Variants in MYH9 observed in about 807,000 individuals in gnomAD.
The protein encoded by MYH9 is myosin heavy chain 9.
MYH9 carries 29 observed loss-of-function variants against 241.9 expected under a neutral mutation model. The ratio of observed to expected loss-of-function variants is 0.12; its 90% confidence interval spans 0.09 to 0.16. The LOEUF (loss-of-function observed/expected upper bound fraction) is 0.16, where lower values mean the gene tolerates loss of function less well. MYH9 is among the 10% of genes least tolerant of loss of function. The pLI is 1.00. For missense variants in MYH9, 1,803 were observed against 2,595.5 expected, an observed-to-expected ratio of 0.69 and a Z score of 6.63; for synonymous variants, 1,047 against 1,062.6, an observed-to-expected ratio of 0.99 and a Z score of 0.29.
At position 36,289,243 on chromosome 22, in the gene MYH9, C is replaced by T. The variant is rs970919478; in HGVS notation, c.4399G>A (p.Ala1467Thr). The T allele has an allele frequency of 5.0e-6, 8 of 1,612,790 alleles. No homozygotes were observed. Among genetic ancestry groups the T allele is most frequent in the Non-Finnish European group, 6.8e-6 (8 of 1,180,006 alleles). ...SAKYAEERDR[A>T]EAEAREKETK... ...TCCTTCTCTCGGGCCTCCGCCTCAG[C>T]CCGGTCGCGCTCCTCTGCATACTTG... The change falls in exon 32 of 41, where the codon GCT (alanine) becomes ACT (threonine). Residue 1467 changes from alanine (A) to threonine (T), a missense_variant. Around this residue, in one of 11 missense-constraint regions of MYH9, gnomAD observed 876 missense variants for 1,077.8 expected, o/e 0.81. Coordinates refer to ENST00000216181, the MANE Select transcript of MYH9 (RefSeq NM_002473.6).
Position 36,295,228 on chromosome 22 carries a change from T to G in MYH9, c.3486-152A>C. 9.3e-7 allele frequency: 1 copy of G among 1,072,808 alleles called. No individual in the cohort carries two copies. Among genetic ancestry groups the G allele is most frequent in the South Asian group, 1.3e-5 (1 of 75,694 alleles). The allele number at this position is 1,072,808 out of a possible 1,614,324, so 66.5% of individuals were successfully genotyped here. On this transcript the variant is annotated intron_variant, in intron 26 of 40. Transcript: ENST00000216181. This position sits in a 1 kb window ranked among gnomAD's most constrained non-coding sequence, Gnocchi z 4.1. ...CGGCCCCTCCTAGCCATCTATCCCA[T>G]AGCCCAGGCTCAAATACGCCCTGTG...
At position 36,301,077 on chromosome 22, in the gene MYH9, A is replaced by G; in HGVS notation, c.2632-20T>C. On this transcript the variant is annotated intron_variant, in intron 21 of 40. Transcript: ENST00000216181. ...CATGAGCTGCAAACAACAAGTGGAA[A>G]ACACAAGCTCCTCGCAACACCCTCA... 1 of 1,605,196 alleles carries G rather than the reference A, an allele frequency of 6.2e-7. No individual in the cohort carries two copies. Among genetic ancestry groups the G allele is most frequent in the Non-Finnish European group, 8.5e-7 (1 of 1,179,110 alleles).
chr22:36,322,598 C>T lies in MYH9; in HGVS notation c.613-77G>A, dbSNP rs541539135. ...GAGCCTGCCCTGCCTGGAAGGGGGA[C>T]GATGGCAGAGCCGTGTCAGCATGTC... On this transcript the variant is annotated intron_variant, in intron 5 of 40. Coordinates refer to ENST00000216181, the MANE Select transcript of MYH9 (RefSeq NM_002473.6). 76 of 1,411,048 alleles carry T rather than the reference C, an allele frequency of 5.4e-5. 2 individuals are homozygous for T. The South Asian group carries it at 6.8e-4, about 13-fold the overall frequency. The allele number at this position is 1,411,048 out of a possible 1,614,324, so 87.4% of individuals were successfully genotyped here. A position where few individuals can be genotyped will look rare whatever the true frequency, so the allele number is the denominator to read the frequency against.
Position 36,294,198 on chromosome 22 carries a change from T to G in MYH9, c.3731A>C (p.Glu1244Ala). Residue 1244 changes from glutamate (E) to alanine (A), a missense_variant, in exon 28 of 41, where the codon GAG becomes GCG. This residue lies in a region of MYH9 where 876 missense variants were observed against 1,077.8 expected (regional missense o/e 0.81). Coordinates refer to ENST00000216181, the MANE Select transcript of MYH9 (RefSeq NM_002473.6). ...CGCCTCCACTTTCTTGCGCTTGTGC[T>G]CCGAGTCCCCTTTGCCCTGCAGCAG... is the stretch of plus-strand genomic sequence containing the variant. ...KVLLQGKGDS[E>A]HKRKKVEAQL... The G allele has an allele frequency of 6.2e-7, 1 of 1,614,026 alleles. No individual in the cohort carries two copies. The highest frequency in any genetic ancestry group is 8.5e-7 in the Non-Finnish European group (1 of 1,180,040).
At position 36,360,030 on chromosome 22, in the gene MYH9, ACACCACCAC is replaced by A. The variant is rs136207; in HGVS notation, c.-19-10784_-19-10776del. On this transcript the variant is annotated intron_variant, in intron 1 of 40. Transcript: ENST00000216181. ...TTTCCTAGCTTTAGAATGAGGACAA[ACACCACCAC>A]CACCACCACCACCACCACCACCACC... 7.5e-4 allele frequency among the ~76,000 whole-genome samples: 77 copies of A among 102,242 alleles called. 2 individuals carry two copies. Among genetic ancestry groups the A allele is most frequent in the African/African-American group, 1.6e-3 (45 of 27,788 alleles). The allele number at this position is 102,242 out of a possible 152,430, so 67.1% of individuals were successfully genotyped here. A position where few individuals can be genotyped will look rare whatever the true frequency, so the allele number is the denominator to read the frequency against.
At chr22:36,380,744 A>AAAAAGAAAAGAAAAG (rs150377619) in intron 1 of MYH9, among the ~76,000 whole-genome samples, 17 of 151,388 alleles carry the variant, frequency 1.1e-4, no homozygotes, top group African/African-American at 4.1e-4. Context: ...CTGTCTCCAA[A>AAAAAGAAAAGAAAAG]AAAAGAAAAG....
At chr22:36,376,952 A>G (rs2018177485) in intron 1 of MYH9, among the ~76,000 whole-genome samples, 1 of 152,114 alleles carries the variant, frequency 6.6e-6, no homozygotes, top group Admixed American at 6.6e-5. Context: ...AATCCCAGCT[A>G]CTTGGGAGGA....
intron 14 of MYH9, among the ~76,000 whole-genome samples, chr22:36,311,362 C>T (rs1242377383): frequency 6.6e-6 from 1 of 152,032 alleles, no homozygotes; most frequent in Non-Finnish European, 1.5e-5. Context: ...GGCAATTCCC[C>T]GCACCTCCCC....
chr22:36,315,367 C>T (rs367763372), intron 12 of MYH9, among the ~76,000 whole-genome samples: 3 of 152,092 alleles, frequency 2.0e-5, no homozygotes, highest in Admixed American at 1.3e-4. Context: ...TCAAACCTCC[C>T]GTGGACTCCA....
rs992824026 is a variant in MYH9, at chr22:36,292,342, C to A, written c.4096-108G>T. Reference sequence around the variant, plus strand: ...TGCCTGCCACACCGTGGAAGGGGCACCAGGGATCTGCCCAGTTATGAAACC... The same window carrying A: ...TGCCTGCCACACCGTGGAAGGGGCAACAGGGATCTGCCCAGTTATGAAACC... On this transcript the variant is annotated intron_variant, in intron 30 of 40. Transcript: ENST00000216181. 2.3e-5 allele frequency: 34 copies of A among 1,468,568 alleles called. 1 individual carries two copies. In the Admixed American group the frequency reaches 5.5e-4, roughly 24 times the overall value. 91.0% of individuals were successfully genotyped at this position (1,468,568 alleles called of 1,614,324 possible). A position where few individuals can be genotyped will look rare whatever the true frequency, so the allele number is the denominator to read the frequency against.
At chr22:36,315,277 A>G (rs1459600024) in intron 12 of MYH9, among the ~76,000 whole-genome samples, 1 of 152,174 alleles carries the variant, frequency 6.6e-6, no homozygotes, top group African/African-American at 2.4e-5. Context: ...TCAGTTCGCA[A>G]CTGGAAAAAA....
chr22:36,282,571 A>C lies in MYH9; in HGVS notation c.*97T>G. Reference sequence around the variant, plus strand: ...GGGCAGGAGGAGGCATGTTCACAGCAGTCCCAAGAAGGTGGGGAGAGGCGT... The same window carrying C: ...GGGCAGGAGGAGGCATGTTCACAGCCGTCCCAAGAAGGTGGGGAGAGGCGT... On this transcript the variant is annotated 3_prime_UTR_variant, in exon 41 of 41. Transcript: ENST00000216181. 1.8e-6 allele frequency: 2 copies of C among 1,100,122 alleles called. No individual in the cohort carries two copies. Among genetic ancestry groups the C allele is most frequent in the Non-Finnish European group, 2.8e-6 (2 of 720,092 alleles). 68.1% of individuals were successfully genotyped at this position (1,100,122 alleles called of 1,614,324 possible).
intron 1 of MYH9, among the ~76,000 whole-genome samples, chr22:36,361,594 A>C (rs2017936637): frequency 6.6e-6 from 1 of 152,208 alleles, no homozygotes; most frequent in African/African-American, 2.4e-5. Flanking sequence ...TGACACCAGA[A>C]ACCAGAATGT....
intron 3 of MYH9, among the ~76,000 whole-genome samples, chr22:36,333,341 A>G (rs2017452419): frequency 6.6e-6 from 1 of 152,174 alleles, no homozygotes; most frequent in Admixed American, 6.5e-5. Context: ...CTGTTAGGCT[A>G]GGATTCACTC....
rs546149996 is a variant in MYH9 at position 36,319,463 on chromosome 22, G to A, written c.1108+77C>T. The A allele has an allele frequency of 1.5e-3, 2,074 of 1,379,454 alleles. 3 individuals carry two copies. The highest frequency in any genetic ancestry group is 1.9e-3 in the Non-Finnish European group (1,837 of 971,822). The allele number at this position is 1,379,454 out of a possible 1,614,324, so 85.5% of individuals were successfully genotyped here. On this transcript the variant is annotated intron_variant, in intron 10 of 40. Transcript: ENST00000216181. ...AAAAAGAATAGTGTCCGGAATTTCC[G>A]CAAGACCTTCCCTCCTGAGCAAATC...
chr22:36,362,547 G>A (rs777154292), intron 1 of MYH9, among the ~76,000 whole-genome samples: 1 of 152,108 alleles, frequency 6.6e-6, no homozygotes, highest in Non-Finnish European at 1.5e-5. Flanking sequence ...GGAGTGCAGT[G>A]GCACAATCTT....
intron 34 of MYH9, among the ~76,000 whole-genome samples, chr22:36,287,514 C>T (rs1009204980): frequency 2.6e-5 from 4 of 151,798 alleles, no homozygotes; most frequent in Non-Finnish European, 4.4e-5. Flanking sequence ...GAGGCCGAGG[C>T]GGGTGGATCA....
intron 1 of MYH9, among the ~76,000 whole-genome samples, chr22:36,375,681 T>C (rs918381364): frequency 6.6e-6 from 1 of 152,160 alleles, no homozygotes; most frequent in African/African-American, 2.4e-5. Context: ...TCCTACCTTA[T>C]GGAAACCAGG....
At chr22:36,286,984 G>T in intron 34 of MYH9, 138 bp from the exon 35 acceptor site, 1 of 1,247,152 alleles carries the variant, frequency 8.0e-7, no homozygotes, top group Non-Finnish European at 1.1e-6. Context: ...CGTGGTGACA[G>T]GGCAAAAAGG....
Sources: gnomAD v4.1 joint callset for allele counts (sites outside exome capture counted in the v4.1 genomes callset) on GRCh38, gnomAD v4.1.1 for gene constraint, gnomAD v4.1.1 regional missense constraint, Gnocchi (gnomAD v3.1) non-coding constraint, MANE v1.5 for transcripts, NCBI Gene and HGNC (gene_info 2026-07-23, HGNC 2026-07-21) for gene names.